CNOT6L: variants seen among roughly 807,000 people sequenced by gnomAD.
CNOT6L encodes the protein CCR4-NOT transcription complex subunit 6 like.
Under a neutral mutation model 64.0 loss-of-function variants are expected in CNOT6L, and 7 were observed. The ratio of observed to expected loss-of-function variants is 0.11; its 90% CI spans 0.06 to 0.21. CNOT6L has a LOEUF of 0.21. CNOT6L is among the 10% of genes least tolerant of loss of function. The pLI, the probability that CNOT6L is intolerant of heterozygous loss-of-function variation, is 1.00. For synonymous variants in CNOT6L, 193 were observed against 243.4 expected (o/e 0.79, Z 1.93); for missense variants, 245 against 669.0 (o/e 0.37, Z 6.99).
intron 6 of CNOT6L, among the ~76,000 whole-genome samples, chr4:77,748,062 TATGAAG>T (rs1724410587): frequency 6.6e-6 from 1 of 152,094 alleles, no homozygotes; most frequent in African/African-American, 2.4e-5. Context: ...CAATACTCTC[TATGAAG>T]ATGCTATTTG....
At chr4:77,745,570 G>A (rs892358688) in intron 6 of CNOT6L, among the ~76,000 whole-genome samples, 1 of 152,106 alleles carries the variant, frequency 6.6e-6, no homozygotes, top group Non-Finnish European at 1.5e-5. Context: ...GACAGGATGT[G>A]CAATTTAACA....
chr4:77,806,329 A>G (rs201928972), intron 1 of CNOT6L, among the ~76,000 whole-genome samples: 4 of 152,004 alleles, frequency 2.6e-5, no homozygotes, highest in Non-Finnish European at 5.9e-5. Flanking sequence ...GGAGGCTGAG[A>G]CAGGAGAATC....
At chr4:77,787,537 C>G (rs941065733) in intron 1 of CNOT6L, among the ~76,000 whole-genome samples, 14 of 152,148 alleles carry the variant, frequency 9.2e-5, no homozygotes, top group Non-Finnish European at 1.9e-4. Context: ...ATTACACTTA[C>G]CCCCAGTTTC....
chr4:77,753,146 A>G (rs982017196), intron 5 of CNOT6L, among the ~76,000 whole-genome samples: 20 of 150,798 alleles, frequency 1.3e-4, no homozygotes, highest in African/African-American at 4.6e-4. Context: ...GAATAGTACT[A>G]TAATTATTAA....
chr4:77,777,759 A>G (rs1485953116), intron 1 of CNOT6L, among the ~76,000 whole-genome samples: 1 of 152,216 alleles, frequency 6.6e-6, no homozygotes, highest in East Asian at 1.9e-4. Context: ...CCCAAATTGA[A>G]GAGTTGCTTT....
At chr4:77,802,809 TAGAC>T (rs1731745425) in intron 1 of CNOT6L, among the ~76,000 whole-genome samples, 2 of 152,314 alleles carry the variant, frequency 1.3e-5, no homozygotes, top group Non-Finnish European at 1.5e-5. Context: ...AGTAAGTGGC[TAGAC>T]GGGAATCTGA....
At chr4:77,799,742 A>G (rs1731299815) in intron 1 of CNOT6L, among the ~76,000 whole-genome samples, 1 of 151,624 alleles carries the variant, frequency 6.6e-6, no homozygotes, top group Non-Finnish European at 1.5e-5. Flanking sequence ...TTCAGACCCA[A>G]ACTAAGAAGT....
chr4:77,791,665 T>C (rs1423548212), intron 1 of CNOT6L, among the ~76,000 whole-genome samples: 1 of 152,182 alleles, frequency 6.6e-6, no homozygotes, highest in Non-Finnish European at 1.5e-5. Context: ...ATGATATTTT[T>C]CTAAGTTTTT....
intron 1 of CNOT6L, among the ~76,000 whole-genome samples, chr4:77,788,479 G>A (rs557372459): frequency 1.3e-5 from 2 of 152,162 alleles, no homozygotes; most frequent in Non-Finnish European, 2.9e-5. Context: ...TGTAATCCCA[G>A]CACTTTGGGA....
chr4:77,748,208 T>A, intron 6 of CNOT6L, 108 bp downstream of exon 6: 6 of 784,870 alleles, frequency 7.6e-6, no homozygotes, highest in Non-Finnish European at 1.1e-5. Flanking sequence ...TTTAAATGCA[T>A]CTACCCATGA....
intron 6 of CNOT6L, 24 bp from the exon 7 acceptor site, chr4:77,744,899 C>T (rs1214888432): frequency 3.8e-6 from 6 of 1,576,174 alleles, no homozygotes; most frequent in Non-Finnish European, 5.2e-6. Flanking sequence ...GAAAAAACAA[C>T]AGACAAACGG....
At chr4:77,733,559 T>C (rs1560576783) in intron 8 of CNOT6L, among the ~76,000 whole-genome samples, 1 of 152,088 alleles carries the variant, frequency 6.6e-6, no homozygotes, top group Admixed American at 6.6e-5. Flanking sequence ...TTCTATGGTA[T>C]ACTTACAGGA....
chr4:77,771,273 T>C (rs1727527368), intron 4 of CNOT6L, among the ~76,000 whole-genome samples: 1 of 151,976 alleles, frequency 6.6e-6, no homozygotes, highest in South Asian at 2.1e-4. Flanking sequence ...GTGGTTGCAG[T>C]GAGCCAAGAT....
chr4:77,725,968 A>T, intron 11 of CNOT6L, 199 bp downstream of exon 11: 2 of 566,508 alleles, frequency 3.5e-6, no homozygotes, highest in Non-Finnish European at 6.2e-6. Flanking sequence ...AACAAGCAAG[A>T]GAGCAAGAAG....
intron 1 of CNOT6L, among the ~76,000 whole-genome samples, chr4:77,804,975 C>T (rs1732055635): frequency 6.6e-6 from 1 of 152,082 alleles, no homozygotes; most frequent in African/African-American, 2.4e-5. Context: ...GTTTGAACTG[C>T]ACAGGTTCAC....
At chr4:77,743,060 G>C (rs530034766) in intron 7 of CNOT6L, among the ~76,000 whole-genome samples, 1 of 152,158 alleles carries the variant, frequency 6.6e-6, no homozygotes, top group South Asian at 2.1e-4. Context: ...AATCCATTAA[G>C]TACAATAAAT....
At chr4:77,734,364 TATTTTTACGC>T (rs1202619578) in intron 8 of CNOT6L, among the ~76,000 whole-genome samples, 1 of 152,142 alleles carries the variant, frequency 6.6e-6, no homozygotes, top group Non-Finnish European at 1.5e-5. Flanking sequence ...TACACACACA[TATTTTTACGC>T]ATTTAGAACA....
At chr4:77,770,318 T>C (rs1400389963) in intron 4 of CNOT6L, among the ~76,000 whole-genome samples, 1 of 152,204 alleles carries the variant, frequency 6.6e-6, no homozygotes, top group African/African-American at 2.4e-5. Context: ...TGTTTAACTA[T>C]ATCACAGTGC....
intron 9 of CNOT6L, 28 bp from the exon 10 acceptor site, chr4:77,729,109 C>T: frequency 6.5e-7 from 1 of 1,545,564 alleles, no homozygotes; most frequent in South Asian, 1.1e-5. Flanking sequence ...AAAAAGAAGA[C>T]AAAGTTATGC....
Sources: gnomAD v4.1 joint callset for allele counts (sites outside exome capture counted in the v4.1 genomes callset) on GRCh38, gnomAD v4.1.1 for gene constraint, MANE v1.5 for transcripts, NCBI Gene and HGNC (gene_info 2026-07-23, HGNC 2026-07-21) for gene names.